Variants in ARSG observed in about 807,000 individuals in gnomAD.
The protein encoded by ARSG is arylsulfatase G.
A neutral mutation model predicts 50.5 loss-of-function variants in ARSG; 37 were observed. The observed-to-expected ratio is 0.73, with a 90% CI of 0.56 to 0.96. The LOEUF is 0.96. ARSG is among the 50% of genes least tolerant of loss of function. The probability of loss-of-function intolerance (pLI) is 0.00; values close to 1 mark genes in which losing one functional copy is unlikely to be tolerated. For missense variants in ARSG, 629 were observed against 675.3 expected, an observed-to-expected ratio of 0.93 and a Z score of 0.76; for synonymous variants, 225 against 254.6, an observed-to-expected ratio of 0.88 and a Z score of 1.11.
chr17:68,311,821 G>C (rs1301708614), intron 2 of ARSG, among the ~76,000 whole-genome samples: 1 of 31,716 alleles, frequency 3.2e-5, no homozygotes, highest in African/African-American at 9.6e-5. Context: ...TTTTTTTTTT[G>C]ACGGAGTCTT....
At position 68,415,338 on chromosome 17, in the gene ARSG, C is replaced by T. The variant is rs146606203; in HGVS notation, c.1304-4851C>T. 3.1e-4 allele frequency among the ~76,000 whole-genome samples: 47 copies of T among 152,194 alleles called. 1 individual carries two copies. Among genetic ancestry groups the T allele is most frequent in the Non-Finnish European group, 6.8e-4 (46 of 67,996 alleles). ...ATGTATTTGCATGGTTCTGAAGGTTCCTTTGGAATGGATTTCCAGTTTTAT... is the reference window on the plus strand; with the variant it reads ...ATGTATTTGCATGGTTCTGAAGGTTTCTTTGGAATGGATTTCCAGTTTTAT... On this transcript the variant is annotated intron_variant, in intron 11 of 11. Coordinates refer to ENST00000621439, the MANE Select transcript of ARSG (RefSeq NM_001267727.2).
intron 2 of ARSG, among the ~76,000 whole-genome samples, chr17:68,308,935 C>G (rs892047237): frequency 1.3e-5 from 2 of 152,224 alleles, no homozygotes; most frequent in African/African-American, 4.8e-5. Context: ...TTTGGGTGGT[C>G]GATGGGACTG....
At chr17:68,326,000 A>T (rs1183128521) in intron 2 of ARSG, among the ~76,000 whole-genome samples, 1 of 152,180 alleles carries the variant, frequency 6.6e-6, no homozygotes, top group Non-Finnish European at 1.5e-5. Context: ...CTCACCAGGT[A>T]GAGTGCAGGA....
At chr17:68,383,089 G>A (rs906563855) in intron 8 of ARSG, among the ~76,000 whole-genome samples, 14 of 152,130 alleles carry the variant, frequency 9.2e-5, no homozygotes, top group African/African-American at 3.4e-4. Flanking sequence ...TCAGTCCTTT[G>A]CTGAAATAAG....
chr17:68,365,260 C>G (rs1369170939), intron 6 of ARSG, among the ~76,000 whole-genome samples: 1 of 152,166 alleles, frequency 6.6e-6, no homozygotes, highest in East Asian at 1.9e-4. Flanking sequence ...TGTAGTGAGC[C>G]AAGATCGCGC....
chr17:68,426,198 G>C, downstream of ARSG: 1 of 1,498,756 alleles, frequency 6.7e-7, no homozygotes, highest in Non-Finnish European at 9.0e-7. Flanking sequence ...AAAGAGACAT[G>C]AAACAAGCAC....
At chr17:68,309,980 GT>G (rs140921838) in intron 2 of ARSG, among the ~76,000 whole-genome samples, 5 of 147,794 alleles carry the variant, frequency 3.4e-5, no homozygotes, top group Non-Finnish European at 3.0e-5. Context: ...GTTTTGTTGT[GT>G]TTTTTTTTTG....
At position 68,302,170 on chromosome 17, in the gene ARSG, G is replaced by A. The variant is rs114591732; in HGVS notation, c.-551-4773G>A. On this transcript the variant is annotated intron_variant, in intron 1 of 11. Transcript: ENST00000621439. ...TGGGGAGTTGCTTCCGACAACACGT[G>A]AGCAGCTGATGCCCAAGGCCCCTTC... Among the ~76,000 whole-genome samples the A allele has an allele frequency of 6.8e-3, 1,041 of 152,262 alleles. 10 individuals are homozygous for A. Among genetic ancestry groups the A allele is most frequent in the African/African-American group, 0.024 (1,006 of 41,532 alleles).
At chr17:68,300,238 G>A (rs1175942348) in intron 1 of ARSG, among the ~76,000 whole-genome samples, 9 of 152,298 alleles carry the variant, frequency 5.9e-5, no homozygotes, top group East Asian at 3.9e-4. Context: ...GGCCCACCAC[G>A]CCTGGCCTGG....
chr17:68,449,701 C>A, the ARSG span, among the ~76,000 whole-genome samples: 4 of 152,202 alleles, frequency 2.6e-5, no homozygotes, highest in Non-Finnish European at 5.9e-5. Context: ...GCTCCCTGAG[C>A]CCTCCCCAGA....
intron 1 of ARSG, among the ~76,000 whole-genome samples, chr17:68,260,908 G>T (rs2075062715): frequency 6.6e-6 from 1 of 152,226 alleles, no homozygotes; most frequent in South Asian, 2.1e-4. Flanking sequence ...GAGGCAGTAT[G>T]TTAAAACCCA....
In ARSG at chr17:68,378,206, G is replaced by C. The variant is rs1465810688; in HGVS notation, c.983-6858G>C. On this transcript the variant is annotated intron_variant, in intron 8 of 11. Coordinates refer to ENST00000621439, the MANE Select transcript of ARSG (RefSeq NM_001267727.2). This position sits in a 1 kb window ranked among gnomAD's most constrained non-coding sequence, Gnocchi z 4.4. ...CAGTGGGACATCTGCACGGCTCACTGTACAGGGGCCAGACTCAAGAGCAGA... is the reference window on the plus strand; with the variant it reads ...CAGTGGGACATCTGCACGGCTCACTCTACAGGGGCCAGACTCAAGAGCAGA... Among the ~76,000 whole-genome samples the C allele has an allele frequency of 6.6e-6, 1 of 152,196 alleles. No individual in the cohort carries two copies. The highest frequency in any genetic ancestry group is 1.5e-5 in the Non-Finnish European group (1 of 68,046).
intron 9 of ARSG, among the ~76,000 whole-genome samples, chr17:68,390,610 A>G (rs1306765490): frequency 1.3e-5 from 2 of 152,038 alleles, no homozygotes; most frequent in Non-Finnish European, 1.5e-5. Context: ...GCATAGTGCC[A>G]GAGTCCATGG....
chr17:68,359,549 C>G (rs2079187846), intron 6 of ARSG: 1 of 152,228 alleles, frequency 6.6e-6, no homozygotes, highest in Non-Finnish European at 1.5e-5. Context: ...CAGCCTTAGC[C>G]TAAGTGGTCA....
the ARSG span, among the ~76,000 whole-genome samples, chr17:68,438,467 G>A: frequency 2.3e-4 from 35 of 152,242 alleles, no homozygotes; most frequent in African/African-American, 8.4e-4. Flanking sequence ...TGTCTTGTGT[G>A]CTGGGTTCCC....
chr17:68,312,504 C>G (rs2076902880), intron 2 of ARSG, among the ~76,000 whole-genome samples: 1 of 152,030 alleles, frequency 6.6e-6, no homozygotes, highest in Non-Finnish European at 1.5e-5. Flanking sequence ...TTTGCGAGGC[C>G]TACACGTTTT....
chr17:68,373,730 T>C (rs2079987441), intron 8 of ARSG, among the ~76,000 whole-genome samples: 1 of 152,132 alleles, frequency 6.6e-6, no homozygotes, highest in African/African-American at 2.4e-5. Context: ...TCTCACTCTC[T>C]CTCTCTCTAT....
the ARSG span, chr17:68,434,769 A>G: frequency 1.3e-5 from 10 of 760,806 alleles, no homozygotes; most frequent in Admixed American, 2.9e-5. Context: ...AGGCATGTTT[A>G]TTTATGTGCC....
chr17:68,340,697 C>T lies in ARSG; in HGVS notation c.219-2907C>T, dbSNP rs530472005. 2.0e-5 allele frequency among the ~76,000 whole-genome samples: 3 copies of T among 152,266 alleles called. No homozygotes were observed. In the East Asian group the frequency reaches 5.8e-4, roughly 29 times the overall value. Reference sequence around the variant, plus strand: ...GCACAAGCAGATGTCCCAGACTCCCCTGGTACTTCTCCTTCCTCAAATCTG... The same window carrying T: ...GCACAAGCAGATGTCCCAGACTCCCTTGGTACTTCTCCTTCCTCAAATCTG... On this transcript the variant is annotated intron_variant, in intron 2 of 11. Coordinates refer to ENST00000621439, the MANE Select transcript of ARSG (RefSeq NM_001267727.2).
Sources: gnomAD v4.1 joint callset for allele counts (sites outside exome capture counted in the v4.1 genomes callset) on GRCh38, gnomAD v4.1.1 for gene constraint, Gnocchi (gnomAD v3.1) non-coding constraint, MANE v1.5 for transcripts, NCBI Gene and HGNC (gene_info 2026-07-23, HGNC 2026-07-21) for gene names.